PDLIM3: variants seen among roughly 807,000 people sequenced by gnomAD.
PDLIM3 encodes the protein PDZ and LIM domain protein 3.
In PDLIM3, 36 loss-of-function variants were observed where a neutral mutation model predicts 37.3. The observed-to-expected ratio is 0.97, with a 90% confidence interval of 0.74 to 1.28. The LOEUF is 1.28. Ranked by LOEUF, PDLIM3 falls within the 50% of genes most tolerant of loss-of-function variation. The probability of loss-of-function intolerance (pLI) is 0.00; values close to 1 mark genes in which losing one functional copy is unlikely to be tolerated. For synonymous variants in PDLIM3, 174 were observed against 182.4 expected (o/e 0.95, Z 0.37); for missense variants, 454 against 485.0 (o/e 0.94, Z 0.60).
Position 185,514,167 on chromosome 4 carries a change from A to G in PDLIM3, c.398+103T>C. 1.2e-6 allele frequency: 2 copies of G among 1,606,646 alleles called. No individual in the cohort carries two copies. The highest frequency in any genetic ancestry group is 1.7e-6 in the Non-Finnish European group (2 of 1,176,078). ...TGCTTTTGAAATAAGCTTCGCAATG[A>G]GAAAAGCCACTCCAAACATCTACCA... On this transcript the variant is annotated intron_variant, in intron 4 of 7. Coordinates refer to ENST00000284767, the MANE Select transcript of PDLIM3 (RefSeq NM_014476.6). The surrounding 1 kb of genome is among the most constrained non-coding windows in gnomAD (Gnocchi z 4.0).
intron 4 of PDLIM3, chr4:185,513,117 G>C: frequency 6.1e-6 from 6 of 983,694 alleles, no homozygotes; most frequent in Non-Finnish European, 7.2e-6. Context: ...TAGGTGCTGG[G>C]GGTATAATGT....
At chr4:185,524,937 T>C in intron 2 of PDLIM3, 83 bp downstream of exon 2, 1 of 1,385,726 alleles carries the variant, frequency 7.2e-7, no homozygotes, top group Non-Finnish European at 1.0e-6. Flanking sequence ...CCCTCCTTGC[T>C]GGGAGGATGA....
At chr4:185,531,792 T>G (rs1234252216) in intron 1 of PDLIM3, among the ~76,000 whole-genome samples, 1 of 152,014 alleles carries the variant, frequency 6.6e-6, no homozygotes, top group African/African-American at 2.4e-5. Flanking sequence ...TATTAAGAAC[T>G]TATTTAAAAC....
chr4:185,528,186 C>T (rs2095737580), intron 1 of PDLIM3, among the ~76,000 whole-genome samples: 1 of 152,184 alleles, frequency 6.6e-6, no homozygotes, highest in Non-Finnish European at 1.5e-5. Context: ...ATGTAATACT[C>T]AATTCTGATT....
At chr4:185,528,376 T>C (rs1004589882) in intron 1 of PDLIM3, among the ~76,000 whole-genome samples, 1 of 152,266 alleles carries the variant, frequency 6.6e-6, no homozygotes, top group African/African-American at 2.4e-5. Flanking sequence ...TGGACTTAGA[T>C]AATGAATAAC....
chr4:185,514,624 G>A lies in PDLIM3; in HGVS notation c.331-287C>T. Reference sequence around the variant, plus strand: ...CAGGAAAGTAAAAATAAAACAGCAAGAGCTGGACTTTTGAAAAGAAAAGAA... The same window carrying A: ...CAGGAAAGTAAAAATAAAACAGCAAAAGCTGGACTTTTGAAAAGAAAAGAA... On this transcript the variant is annotated intron_variant, in intron 3 of 7. Coordinates refer to ENST00000284767, the MANE Select transcript of PDLIM3 (RefSeq NM_014476.6). This position sits in a 1 kb window ranked among gnomAD's most constrained non-coding sequence, Gnocchi z 4.0. The A allele has an allele frequency of 7.2e-7, 1 of 1,387,948 alleles. No individual in the cohort carries two copies. The highest frequency in any genetic ancestry group is 9.7e-7 in the Non-Finnish European group (1 of 1,032,694). The allele number at this position is 1,387,948 out of a possible 1,614,324, so 86.0% of individuals were successfully genotyped here.
chr4:185,533,846 C>T (rs993186193), intron 1 of PDLIM3, among the ~76,000 whole-genome samples: 1 of 151,996 alleles, frequency 6.6e-6, no homozygotes, highest in African/African-American at 2.4e-5. Context: ...TAAAAGTTTT[C>T]GTGACAAAAT....
chr4:185,504,554 C>T lies in PDLIM3; in HGVS notation c.826G>A (p.Ala276Thr). The T allele has an allele frequency of 6.2e-7, 1 of 1,614,146 alleles. No homozygotes were observed. The highest frequency in any genetic ancestry group is 1.1e-5 in the South Asian group (1 of 91,076). ...DRPAGTRSVR[A>T]PVTKVHGGSG... is the part of the protein sequence containing the mutation. Reference sequence around the variant, plus strand: ...CCGCCATGGACTTTCGTCACCGGAGCTCTCACACTCCGCGTTCCAGCCGGA... The same window carrying T: ...CCGCCATGGACTTTCGTCACCGGAGTTCTCACACTCCGCGTTCCAGCCGGA... Residue 276 changes from alanine (A) to threonine (T), a missense_variant, in exon 7 of 8, where the codon GCT becomes ACT. By Grantham distance (58) the Ala-to-Thr change is moderately conservative. Transcript: ENST00000284767. This position sits in a 1 kb window ranked among gnomAD's most constrained non-coding sequence, Gnocchi z 4.7.
At chr4:185,505,589 T>C (rs2095695363) in intron 6 of PDLIM3, among the ~76,000 whole-genome samples, 1 of 151,068 alleles carries the variant, frequency 6.6e-6, no homozygotes, top group African/African-American at 2.4e-5. Context: ...CCACTCACTC[T>C]AGCCTGGGCA....
Position 185,535,472 on chromosome 4 carries a change from CG to C in PDLIM3, c.-39del. ...CCGCCCACCGGGCTCTAAGTGTCCC[CG>C]CGCAGGGCAGCCACTCCGCGCCGGG... is the stretch of plus-strand genomic sequence containing the variant. On this transcript the variant is annotated 5_prime_UTR_variant, in exon 1 of 8. Transcript: ENST00000284767. The C allele has an allele frequency of 6.6e-7, 1 of 1,524,848 alleles. No homozygotes were observed. Among genetic ancestry groups the C allele is most frequent in the African/African-American group, 1.4e-5 (1 of 70,962 alleles). The allele number at this position is 1,524,848 out of a possible 1,614,324, so 94.5% of individuals were successfully genotyped here.
At position 185,531,947 on chromosome 4, in the gene PDLIM3, A is replaced by T. The variant is rs1334250384; in HGVS notation, c.93+3395T>A. ...CTACTAAAAAAAAAAAAAAAAAAAA[A>T]ATTAGCTGGGTATGGTGGCGGGTGC... is the stretch of plus-strand genomic sequence containing the variant. On this transcript the variant is annotated intron_variant, in intron 1 of 7. Coordinates refer to ENST00000284767, the MANE Select transcript of PDLIM3 (RefSeq NM_014476.6). Among the ~76,000 whole-genome samples the T allele has an allele frequency of 4.8e-4, 73 of 150,912 alleles. 1 individual carries two copies. Among genetic ancestry groups the T allele is most frequent in the African/African-American group, 1.7e-3 (68 of 41,168 alleles).
chr4:185,528,587 C>T (rs1409824151), intron 1 of PDLIM3, among the ~76,000 whole-genome samples: 1 of 152,220 alleles, frequency 6.6e-6, no homozygotes. Flanking sequence ...GAAGAGGTGT[C>T]TAAGTAACCT....
chr4:185,523,022 CTTTGT>C (rs1249536195), intron 3 of PDLIM3: 12 of 227,194 alleles, frequency 5.3e-5, no homozygotes, highest in Non-Finnish European at 7.8e-5. Flanking sequence ...TTTTGCTTTG[CTTTGT>C]TTTAACAACT....
At chr4:185,509,229 G>C (rs1483970344) in intron 4 of PDLIM3, among the ~76,000 whole-genome samples, 4 of 151,810 alleles carry the variant, frequency 2.6e-5, no homozygotes, top group Admixed American at 6.6e-5. Context: ...TCTGTGAGGA[G>C]TATACTTTAA....
At chr4:185,530,655 A>C (rs2095742408) in intron 1 of PDLIM3, among the ~76,000 whole-genome samples, 1 of 152,202 alleles carries the variant, frequency 6.6e-6, no homozygotes, top group East Asian at 1.9e-4. Flanking sequence ...TGCAGCCTAC[A>C]AATAGTAATT....
intron 1 of PDLIM3, among the ~76,000 whole-genome samples, chr4:185,528,518 A>G (rs781653367): frequency 6.6e-6 from 1 of 152,236 alleles, no homozygotes; most frequent in Non-Finnish European, 1.5e-5. Flanking sequence ...CACACGTTTG[A>G]CCATTACAAC....
At chr4:185,506,427 A>T in intron 6 of PDLIM3, 95 bp downstream of exon 6, 1 of 1,522,186 alleles carries the variant, frequency 6.6e-7, no homozygotes, top group Non-Finnish European at 9.0e-7. Context: ...ACCAAGTTTT[A>T]GACTTTCATT....
chr4:185,523,209 G>A (rs1269517988), intron 3 of PDLIM3, 153 bp downstream of exon 3: 2 of 611,718 alleles, frequency 3.3e-6, no homozygotes, highest in African/African-American at 1.9e-5. Flanking sequence ...AAGAAAACAC[G>A]GATAATATAA....
chr4:185,512,034 T>C (rs7673854), intron 4 of PDLIM3: 149,569 of 151,770 alleles, frequency 0.99, 73,711 homozygotes, highest in East Asian at 1. Flanking sequence ...TCAGAAGTTA[T>C]AGCAAATAGT....
Sources: gnomAD v4.1 joint callset for allele counts (sites outside exome capture counted in the v4.1 genomes callset) on GRCh38, gnomAD v4.1.1 for gene constraint, Gnocchi (gnomAD v3.1) non-coding constraint, MANE v1.5 for transcripts, NCBI Gene and HGNC (gene_info 2026-07-23, HGNC 2026-07-21) for gene names.